Variants in GYPC observed in about 807,000 individuals in gnomAD.
GYPC encodes the protein glycophorin-C.
A neutral mutation model predicts 12.6 loss-of-function variants in GYPC; 14 were observed. That is an observed-to-expected ratio of 1.11 (90% CI 0.74 to 1.74). GYPC has a LOEUF of 1.74. Among genes scored for constraint, GYPC ranks in the 40% most tolerant of loss-of-function variants. The probability of loss-of-function intolerance (pLI) is 0.00; values close to 1 mark genes in which losing one functional copy is unlikely to be tolerated. For synonymous variants in GYPC, 78 were observed against 62.1 expected, an observed-to-expected ratio of 1.26 and a Z score of -1.20; for missense variants, 225 against 172.1, an observed-to-expected ratio of 1.31 and a Z score of -1.72.
intron 1 of GYPC, among the ~76,000 whole-genome samples, chr2:126,662,136 T>G (rs967836366): frequency 1.3e-5 from 2 of 152,156 alleles, no homozygotes; most frequent in Non-Finnish European, 2.9e-5. Flanking sequence ...ATCTTCACAT[T>G]TTGTCAGCAG....
At chr2:126,694,014 A>G in intron 3 of GYPC, 67 bp downstream of exon 3, 1 of 1,074,718 alleles carries the variant, frequency 9.3e-7, no homozygotes, top group South Asian at 1.2e-5. Flanking sequence ...CATCCAGGGG[A>G]GAACTGACCT....
intron 1 of GYPC, among the ~76,000 whole-genome samples, chr2:126,657,048 C>G (rs942379937): frequency 1.5e-4 from 23 of 152,218 alleles, no homozygotes; most frequent in Non-Finnish European, 8.8e-5. Context: ...CCCACCCTGC[C>G]GCGGTCTGAT....
At chr2:126,691,444 G>A (rs938408564) in intron 2 of GYPC, among the ~76,000 whole-genome samples, 1 of 152,094 alleles carries the variant, frequency 6.6e-6, no homozygotes, top group African/African-American at 2.4e-5. Flanking sequence ...TCCCACTTCA[G>A]TCCTTTGTGT....
At chr2:126,665,414 G>A (rs1213951888) in intron 1 of GYPC, among the ~76,000 whole-genome samples, 1 of 152,168 alleles carries the variant, frequency 6.6e-6, no homozygotes, top group Non-Finnish European at 1.5e-5. Context: ...TGTATGTAAG[G>A]TTCAGTCGTA....
intron 1 of GYPC, among the ~76,000 whole-genome samples, chr2:126,677,546 TGA>T (rs1378559187): frequency 6.6e-6 from 1 of 150,966 alleles, no homozygotes; most frequent in Non-Finnish European, 1.5e-5. Context: ...TGTGTGTATG[TGA>T]GTGTGTGTAT....
chr2:126,688,952 T>C (rs893798), intron 1 of GYPC, among the ~76,000 whole-genome samples: 95,634 of 151,952 alleles, frequency 0.63, 31,053 homozygotes, highest in African/African-American at 0.79. Context: ...CCTATGTTAA[T>C]GCTGATATTT....
intron 1 of GYPC, among the ~76,000 whole-genome samples, chr2:126,677,683 T>C (rs944590728): frequency 6.6e-6 from 1 of 152,066 alleles, no homozygotes; most frequent in African/African-American, 2.4e-5. Flanking sequence ...TTTGTATGTG[T>C]TGCCTGCCGT....
At chr2:126,667,919 A>T (rs1428319274) in intron 1 of GYPC, among the ~76,000 whole-genome samples, 3 of 152,228 alleles carry the variant, frequency 2.0e-5, no homozygotes. Flanking sequence ...GACAAAGACC[A>T]TATCTTCAAA....
intron 1 of GYPC, chr2:126,675,792 T>C (rs2104786769): frequency 4.6e-6 from 2 of 435,884 alleles, no homozygotes; most frequent in South Asian, 9.6e-5. Flanking sequence ...GTAGTAGTGA[T>C]GGTGGAAGAA....
intron 2 of GYPC, among the ~76,000 whole-genome samples, chr2:126,693,620 T>C (rs1216830280): frequency 6.6e-6 from 1 of 152,146 alleles, no homozygotes; most frequent in Non-Finnish European, 1.5e-5. Context: ...ATAACTCAAA[T>C]GGGCCTGGAG....
chr2:126,675,648 T>C (rs1682976772), intron 1 of GYPC: 1 of 981,276 alleles, frequency 1.0e-6, no homozygotes, highest in Non-Finnish European at 1.2e-6. Context: ...CCCTTCTCTA[T>C]GACCTCTTCA....
In GYPC at chr2:126,656,190, C is replaced by G. The variant is rs1573550984; in HGVS notation, c.-74C>G. 6.5e-7 allele frequency: 1 copy of G among 1,533,810 alleles called. No individual in the cohort carries two copies. The highest frequency in any genetic ancestry group is 8.8e-7 in the Non-Finnish European group (1 of 1,139,336). ...CCGCCGAGGGTCAGGAGCCCGGGAGCGCGACCCTCCCCCGGCCCGGCCTGG... is the reference window on the plus strand; with the variant it reads ...CCGCCGAGGGTCAGGAGCCCGGGAGGGCGACCCTCCCCCGGCCCGGCCTGG... On this transcript the variant is annotated 5_prime_UTR_variant, in exon 1 of 4. Coordinates refer to ENST00000259254, the MANE Select transcript of GYPC (RefSeq NM_002101.5).
chr2:126,691,165 T>C (rs1194358516), intron 2 of GYPC, among the ~76,000 whole-genome samples: 3 of 152,210 alleles, frequency 2.0e-5, no homozygotes, highest in Admixed American at 6.5e-5. Flanking sequence ...ACTTTCCATA[T>C]TCTTCAGCAG....
rs1037276497 is a variant in GYPC at position 126,696,320 on chromosome 2, C to A, written c.*178C>A. On this transcript the variant is annotated 3_prime_UTR_variant, in exon 4 of 4. Transcript: ENST00000259254. ...CCAGGGAGGAACGGAGGAGGACTCG[C>A]GCTACAAGAGGCCACTCCCAGGGAC... 2 of 641,568 alleles carry A rather than the reference C, an allele frequency of 3.1e-6. No individual in the cohort carries two copies. Among genetic ancestry groups the A allele is most frequent in the African/African-American group, 1.8e-5 (1 of 55,784 alleles). The allele number at this position is 641,568 out of a possible 1,614,324, so 39.7% of individuals were successfully genotyped here.
chr2:126,686,658 A>AG (rs28387191), intron 1 of GYPC: 14,444 of 985,162 alleles, frequency 0.015, 201 homozygotes, highest in African/African-American at 0.067. Context: ...AGGGTGTTGC[A>AG]GGGGGCCGGG....
intron 1 of GYPC, among the ~76,000 whole-genome samples, chr2:126,670,548 T>C (rs924454006): frequency 8.5e-5 from 13 of 152,158 alleles, no homozygotes; most frequent in African/African-American, 2.9e-4. Context: ...AGCAGGGATG[T>C]GCCTGCGCTC....
intron 1 of GYPC, among the ~76,000 whole-genome samples, chr2:126,683,667 G>A (rs1385875253): frequency 6.6e-6 from 1 of 152,192 alleles, no homozygotes; most frequent in Non-Finnish European, 1.5e-5. Flanking sequence ...GAGTAACAGG[G>A]AAATCTATAC....
At position 126,690,304 on chromosome 2, in the gene GYPC, C is replaced by T. The variant is rs191646209; in HGVS notation, c.99C>T (p.Thr33=). The T allele has an allele frequency of 1.4e-4, 233 of 1,609,798 alleles. 2 individuals are homozygous for T. The East Asian group carries it at 5.1e-3, about 35-fold the overall frequency. ...CCTCCACCACAATGCATACTACCACCATTGCAGGTGAGTTCTCATCACAGA... is the reference window on the plus strand; with the variant it reads ...CCTCCACCACAATGCATACTACCACTATTGCAGGTGAGTTCTCATCACAGA... ...ASASTTMHTT[T]IAEPDPGMSG... The change falls in exon 2 of 4, where the codon ACC becomes ACT. Residue 33 remains threonine (T), a synonymous_variant. Transcript: ENST00000259254.
intron 1 of GYPC, among the ~76,000 whole-genome samples, chr2:126,665,239 A>G (rs892548242): frequency 5.3e-5 from 8 of 150,952 alleles, no homozygotes; most frequent in Admixed American, 1.3e-4. Flanking sequence ...CCTAAGGTAC[A>G]GTACAGTAAG....
Sources: allele counts gnomAD v4.1 joint callset (sites outside exome capture counted in the v4.1 genomes callset), GRCh38; gene constraint gnomAD v4.1.1; transcripts MANE v1.5; gene names NCBI Gene and HGNC (gene_info 2026-07-23, HGNC 2026-07-21).